FGL2: variants seen among roughly 807,000 people sequenced by gnomAD.
FGL2 encodes fibroleukin.
In FGL2, 21 loss-of-function variants were observed where a neutral mutation model predicts 36.0. That is an observed-to-expected ratio of 0.58 (90% CI 0.41 to 0.84). The LOEUF (loss-of-function observed/expected upper bound fraction) is 0.84. FGL2 is among the 40% of genes least tolerant of loss of function. The pLI, the probability that FGL2 is intolerant of heterozygous loss-of-function variation, is 0.00. For synonymous variants in FGL2, 183 were observed against 190.7 expected (o/e 0.96, Z 0.33); for missense variants, 444 against 526.3 (o/e 0.84, Z 1.53).
chr7:77,197,540 T>C (rs1267467898), intron 1 of FGL2, among the ~76,000 whole-genome samples: 1 of 152,196 alleles, frequency 6.6e-6, no homozygotes, highest in East Asian at 1.9e-4. Flanking sequence ...TGATTCTAAC[T>C]CTCCTAGAAC....
In FGL2 at chr7:77,194,875, A is replaced by T. The variant is rs944005012; in HGVS notation, c.*1404T>A. On this transcript the variant is annotated 3_prime_UTR_variant, in exon 2 of 2. Transcript: ENST00000248598. Reference sequence around the variant, plus strand: ...TTAAAAAGTCTTTTAAATATTATATATAGCATTCCAGAATTGATGAATTAT... The same window carrying T: ...TTAAAAAGTCTTTTAAATATTATATTTAGCATTCCAGAATTGATGAATTAT... 6.6e-6 allele frequency: 1 copy of T among 152,172 alleles called. No homozygotes were observed. Among genetic ancestry groups the T allele is most frequent in the East Asian group, 1.9e-4 (1 of 5,206 alleles). The allele number at this position is 152,172 out of a possible 1,614,324, so 9.4% of individuals were successfully genotyped here.
rs1253203159 is a variant in FGL2, at chr7:77,194,336, T to C, written c.*1943A>G. The C allele has an allele frequency of 6.6e-6, 1 of 152,090 alleles. No individual in the cohort carries two copies. Among genetic ancestry groups the C allele is most frequent in the African/African-American group, 2.4e-5 (1 of 41,456 alleles). The allele number at this position is 152,090 out of a possible 1,614,324, so 9.4% of individuals were successfully genotyped here. ...GTATAATATCAAAACGTTTTTAGTC[T>C]TTTTTAAAAAGTAAAAAGTAAAAAA... On this transcript the variant is annotated 3_prime_UTR_variant, in exon 2 of 2. Coordinates refer to ENST00000248598, the MANE Select transcript of FGL2 (RefSeq NM_006682.3).
rs1415515303 is a variant in FGL2 at position 77,199,235 on chromosome 7, A to T, written c.559T>A (p.Leu187Met). 3 of 1,613,940 alleles carry T rather than the reference A, an allele frequency of 1.9e-6. No homozygotes were observed. ...GGACACTTTGAACATTTGCCATCCA[A>T]ACTATTGACAACAAATGTTAGATTT... ...VANLTFVVNS[L>M]DGKCSKCPSQ... The change falls in exon 1 of 2, where the codon TTG becomes ATG. Residue 187 changes from leucine (L) to methionine (M), a missense_variant. Leu to Met is a conservative substitution (Grantham distance 15). Coordinates refer to ENST00000248598, the MANE Select transcript of FGL2 (RefSeq NM_006682.3).
Position 77,196,682 on chromosome 7 carries a change from T to A in FGL2, c.917A>T (p.Asp306Val). Residue 306 changes from aspartate to valine, a missense_variant, in exon 2 of 2, where the codon GAC becomes GTC. Transcript: ENST00000248598. The surrounding 1 kb of genome is among the most constrained non-coding windows in gnomAD (Gnocchi z 4.2). ...GGCATATAGTTCGACACCATTAAAG[T>A]CTTCAAGATCTATTCTCAGAATCAT... The part of the protein sequence containing the change: ...KEMILRIDLE[D>V]FNGVELYALY... 6.2e-7 allele frequency: 1 copy of A among 1,614,238 alleles called. No individual in the cohort carries two copies. The highest frequency in any genetic ancestry group is 8.5e-7 in the Non-Finnish European group (1 of 1,180,024).
chr7:77,198,777 T>C (rs936689648), intron 1 of FGL2: 26 of 210,412 alleles, frequency 1.2e-4, no homozygotes, highest in Non-Finnish European at 3.7e-5. Flanking sequence ...GAAGCGGCAG[T>C]CAGTCAATCA....
rs554111275 is a variant in FGL2, at chr7:77,197,551, T to A, written c.614-566A>T. On this transcript the variant is annotated intron_variant, in intron 1 of 1. Coordinates refer to ENST00000248598, the MANE Select transcript of FGL2 (RefSeq NM_006682.3). ...CAGATGATTCTAACTCTCCTAGAAC[T>A]GTATTCCTTGCATACAGAGGAAGCA... Among the ~76,000 whole-genome samples the A allele has an allele frequency of 3.9e-4, 60 of 152,232 alleles. 1 individual carries two copies. The highest frequency in any genetic ancestry group is 5.6e-4 in the Non-Finnish European group (38 of 68,034).
Position 77,196,111 on chromosome 7 carries a change from A to G in FGL2, c.*168T>C. ...AGCATAACAACAAAGGACTCCTTTA[A>G]AATGCATTGTTTTTCAGCTTTATTT... is the stretch of plus-strand genomic sequence containing the variant. On this transcript the variant is annotated 3_prime_UTR_variant, in exon 2 of 2. Transcript: ENST00000248598. The surrounding 1 kb of genome is among the most constrained non-coding windows in gnomAD (Gnocchi z 4.2). The G allele has an allele frequency of 1.7e-6, 1 of 588,184 alleles. No homozygotes were observed. The highest frequency in any genetic ancestry group is 3.0e-6 in the Non-Finnish European group (1 of 336,790). 36.4% of individuals were successfully genotyped at this position (588,184 alleles called of 1,614,324 possible).
chr7:77,197,272 T>G (rs1394842223), intron 1 of FGL2, among the ~76,000 whole-genome samples: 1 of 152,252 alleles, frequency 6.6e-6, no homozygotes, highest in Non-Finnish European at 1.5e-5. Flanking sequence ...AATAATTTAG[T>G]ATTATGTAGT....
chr7:77,198,239 C>T, intron 1 of FGL2: 6 of 985,300 alleles, frequency 6.1e-6, no homozygotes, highest in Non-Finnish European at 7.2e-6. Flanking sequence ...TGGCAGATGC[C>T]CTGGGGATGG....
rs1791841675 is a variant in FGL2, at chr7:77,195,150, C to CCACATAT, written c.*1122_*1128dup. Reference sequence around the variant, plus strand: ...AGCCTGTAAGTAAATGCTTCATTACCCACATATCCCTACCCACCCCCCCCA... The same window carrying CCACATAT: ...AGCCTGTAAGTAAATGCTTCATTACCCACATATCACATATCCCTACCCACCCCCCCCA... On this transcript the variant is annotated 3_prime_UTR_variant, in exon 2 of 2. Transcript: ENST00000248598. 1 of 151,614 alleles carries CCACATAT rather than the reference C, an allele frequency of 6.6e-6. No individual in the cohort carries two copies. Among genetic ancestry groups the CCACATAT allele is most frequent in the Non-Finnish European group, 1.5e-5 (1 of 67,918 alleles). 9.4% of individuals were successfully genotyped at this position (151,614 alleles called of 1,614,324 possible).
chr7:77,199,448 A>T lies in FGL2; in HGVS notation c.346T>A (p.Leu116Ile), dbSNP rs1791941038. 6.2e-7 allele frequency: 1 copy of T among 1,614,156 alleles called. No individual in the cohort carries two copies. Among genetic ancestry groups the T allele is most frequent in the African/African-American group, 1.3e-5 (1 of 75,034 alleles). ...TCTCCCGGGGCTCCTGTACTGGGTA[A>T]CAACAGTCCGTTTCTGCCTGGGTCT... ...NGDPGRNGLLLPSTGAPGEVG... is the reference protein window; with the variant it reads ...NGDPGRNGLLIPSTGAPGEVG... Residue 116 changes from leucine (L) to isoleucine (I), a missense_variant, in exon 1 of 2, where the codon TTA (leucine) becomes ATA (isoleucine). Physicochemically the swap from Leu to Ile is conservative, Grantham distance 5 (BLOSUM62 2). Transcript: ENST00000248598.
rs376169671 is a variant in FGL2, at chr7:77,196,717, C to T, written c.882G>A (p.Lys294=). 2.0e-4 allele frequency: 325 copies of T among 1,614,210 alleles called. No homozygotes were observed. Among genetic ancestry groups the T allele is most frequent in the South Asian group, 1.3e-3 (115 of 91,082 alleles). ...CTATTCTCAGAATCATTTCCTTACT[C>T]TTGGTCAGAAGATGAATTTTATCGT... ...LGNDKIHLLT[K]SKEMILRIDL... Residue 294 remains lysine, a synonymous_variant, in exon 2 of 2, where the codon AAG becomes AAA. Coordinates refer to ENST00000248598, the MANE Select transcript of FGL2 (RefSeq NM_006682.3). This position sits in a 1 kb window ranked among gnomAD's most constrained non-coding sequence, Gnocchi z 4.2.
chr7:77,198,155 G>C (rs533988992), intron 1 of FGL2: 1 of 985,452 alleles, frequency 1.0e-6, no homozygotes, highest in African/African-American at 1.7e-5. Context: ...CAGTGTGCCA[G>C]GTACATTCAG....
chr7:77,199,295 T>A lies in FGL2; in HGVS notation c.499A>T (p.Asn167Tyr), dbSNP rs1791935254. The change falls in exon 1 of 2, where the codon AAC becomes TAC. Residue 167 changes from asparagine to tyrosine, a missense_variant. Transcript: ENST00000248598. ...RLEKLNLVNM[N>Y]NIENYVDSKV... Reference sequence around the variant, plus strand: ...CTGTCAACATAATTTTCTATGTTGTTCATATTTACAAGATTCAGCTTCTCC... The same window carrying A: ...CTGTCAACATAATTTTCTATGTTGTACATATTTACAAGATTCAGCTTCTCC... 6.2e-7 allele frequency: 1 copy of A among 1,614,048 alleles called. No individual in the cohort carries two copies. Among genetic ancestry groups the A allele is most frequent in the East Asian group, 2.2e-5 (1 of 44,886 alleles).
chr7:77,196,336 G>A lies in FGL2; in HGVS notation c.1263C>T (p.Tyr421=). ...TCTTAGCCTCTTTGAAGGAGGACTT[G>A]TAGCCACCAGGGTGTGCCTCACTTA... ...PGVSEAHPGG[Y]KSSFKEAKMM... is the part of the protein sequence containing the mutation. Residue 421 remains tyrosine, a synonymous_variant, in exon 2 of 2, where the codon TAC becomes TAT. Transcript: ENST00000248598. This position sits in a 1 kb window ranked among gnomAD's most constrained non-coding sequence, Gnocchi z 4.2. 1 of 1,614,120 alleles carries A rather than the reference G, an allele frequency of 6.2e-7. No individual in the cohort carries two copies. The highest frequency in any genetic ancestry group is 8.5e-7 in the Non-Finnish European group (1 of 1,180,004).
rs1330848945 is a variant in FGL2, at chr7:77,194,165, T to TG, written c.*2113dup. Reference sequence around the variant, plus strand: ...TTATACCTAGTTCCCATTAAATTAATGGACACCGTGTATATGAGCATATAC... The same window carrying TG: ...TTATACCTAGTTCCCATTAAATTAATGGGACACCGTGTATATGAGCATATAC... On this transcript the variant is annotated 3_prime_UTR_variant, in exon 2 of 2. Transcript: ENST00000248598. 6 of 152,100 alleles carry TG rather than the reference T, an allele frequency of 3.9e-5. No individual in the cohort carries two copies. The highest frequency in any genetic ancestry group is 1.4e-4 in the African/African-American group (6 of 41,458). 9.4% of individuals were successfully genotyped at this position (152,100 alleles called of 1,614,324 possible). A position where few individuals can be genotyped will look rare whatever the true frequency, so the allele number is the denominator to read the frequency against.
At chr7:77,197,920 A>T (rs1791906023) in intron 1 of FGL2, among the ~76,000 whole-genome samples, 1 of 152,172 alleles carries the variant, frequency 6.6e-6, no homozygotes, top group Non-Finnish European at 1.5e-5. Context: ...TTACTCCCAG[A>T]TAGTTTTTAT....
chr7:77,196,465 G>C lies in FGL2; in HGVS notation c.1134C>G (p.Gly378=). ...SGNCGLYYSS[G]WWFDACLSAN... ...CAGAAAGACATGCATCAAACCACCA[G>C]CCTGAACTGTAGTACAGCCCACAGT... Residue 378 remains glycine (G), a synonymous_variant, in exon 2 of 2, where the codon GGC becomes GGG. Coordinates refer to ENST00000248598, the MANE Select transcript of FGL2 (RefSeq NM_006682.3). This position sits in a 1 kb window ranked among gnomAD's most constrained non-coding sequence, Gnocchi z 4.2. The C allele has an allele frequency of 6.2e-7, 1 of 1,614,100 alleles. No homozygotes were observed. The highest frequency in any genetic ancestry group is 8.5e-7 in the Non-Finnish European group (1 of 1,180,002).
Position 77,193,479 on chromosome 7 carries a change from TAAAAG to T in FGL2, c.*2795_*2799del, listed in dbSNP as rs1208804411. ...CATGAAACATAAACCTAATTATACA[TAAAAG>T]AAAAGAATTTTAAACAAGAGCTTAT... On this transcript the variant is annotated 3_prime_UTR_variant, in exon 2 of 2. Transcript: ENST00000248598. 3.3e-5 allele frequency: 5 copies of T among 152,198 alleles called. No homozygotes were observed. Among genetic ancestry groups the T allele is most frequent in the East Asian group, 3.8e-4 (2 of 5,202 alleles). The allele number at this position is 152,198 out of a possible 1,614,324, so 9.4% of individuals were successfully genotyped here.
Sources: gnomAD v4.1 joint callset for allele counts (sites outside exome capture counted in the v4.1 genomes callset) on GRCh38, gnomAD v4.1.1 for gene constraint, Gnocchi (gnomAD v3.1) non-coding constraint, MANE v1.5 for transcripts, NCBI Gene and HGNC (gene_info 2026-07-23, HGNC 2026-07-21) for gene names.